The following SSRP1 variants were observed in gnomAD, a reference collection of about 807,000 sequenced individuals.
SSRP1 encodes the protein structure specific recognition protein 1.
In SSRP1, 21 loss-of-function variants were observed where a neutral mutation model predicts 84.4. That is an observed-to-expected ratio of 0.25 (90% CI 0.18 to 0.36). The LOEUF (loss-of-function observed/expected upper bound fraction) is 0.36, where lower values mean the gene tolerates loss of function less well. Among genes scored for constraint, SSRP1 ranks in the 10% least tolerant of loss-of-function variants. The pLI is 1.00. For synonymous variants in SSRP1, 319 were observed against 318.3 expected (o/e 1.00, Z -0.02); for missense variants, 519 against 900.8 (o/e 0.58, Z 5.43).
At chr11:57,333,640 A>G (rs543072141) in intron 3 of SSRP1, 100 bp from the exon 4 acceptor site, 1 of 833,380 alleles carries the variant, frequency 1.2e-6, no homozygotes, top group Non-Finnish European at 2.0e-6. Context: ...AACTGCCCCA[A>G]ATAGGCTTTA....
chr11:57,329,631 C>T (rs1411218742), intron 12 of SSRP1: 2 of 188,204 alleles, frequency 1.1e-5, no homozygotes, highest in Non-Finnish European at 2.2e-5. Flanking sequence ...GTAATATGAA[C>T]TTATGAAATT....
chr11:57,332,585 C>T lies in SSRP1; in HGVS notation c.768+40G>A, dbSNP rs773133089. ...GAGATCCATCTACTTAACACTTAGG[C>T]AAAAACCAGGATTATCCGGCCATAG... is the stretch of plus-strand genomic sequence containing the variant. On this transcript the variant is annotated intron_variant, in intron 6 of 16. Coordinates refer to ENST00000278412, the MANE Select transcript of SSRP1 (RefSeq NM_003146.3). This position sits in a 1 kb window ranked among gnomAD's most constrained non-coding sequence, Gnocchi z 5.5. 6.2e-7 allele frequency: 1 copy of T among 1,604,972 alleles called. No homozygotes were observed. The highest frequency in any genetic ancestry group is 8.5e-7 in the Non-Finnish European group (1 of 1,173,382).
intron 12 of SSRP1, chr11:57,328,704 T>C (rs1013384263): frequency 1.1e-4 from 41 of 360,664 alleles, no homozygotes; most frequent in African/African-American, 8.2e-4. Context: ...TCCCTGGGCA[T>C]GGCCAAACCA....
chr11:57,326,905 G>A lies in SSRP1; in HGVS notation c.1872-16C>T. 6.4e-7 allele frequency: 1 copy of A among 1,574,634 alleles called. No individual in the cohort carries two copies. The highest frequency in any genetic ancestry group is 8.6e-7 in the Non-Finnish European group (1 of 1,159,046). On this transcript the variant is annotated splice_polypyrimidine_tract_variant and intron_variant, in intron 15 of 16. Transcript: ENST00000278412. ...TGACTTGTCCCTGTATTGGCAAGAGGGAAGAGGAGCTGGGCCTTCAGGTCC... is the reference window on the plus strand; with the variant it reads ...TGACTTGTCCCTGTATTGGCAAGAGAGAAGAGGAGCTGGGCCTTCAGGTCC...
chr11:57,332,047 T>C lies in SSRP1; in HGVS notation c.1001+105A>G, dbSNP rs901391121. The C allele has an allele frequency of 5.7e-6, 9 of 1,574,742 alleles. No homozygotes were observed. In the Admixed American group the frequency reaches 1.6e-4, roughly 27 times the overall value. ...GCACCTATTGTGACACAAGGTCCCATCCAGGCCTCTAGGAGGCCGCATTCC... is the reference window on the plus strand; with the variant it reads ...GCACCTATTGTGACACAAGGTCCCACCCAGGCCTCTAGGAGGCCGCATTCC... On this transcript the variant is annotated intron_variant, in intron 8 of 16. Transcript: ENST00000278412. This position sits in a 1 kb window ranked among gnomAD's most constrained non-coding sequence, Gnocchi z 5.5.
chr11:57,330,801 T>A lies in SSRP1; in HGVS notation c.1296+54A>T, dbSNP rs1856073667. The stretch of plus-strand genomic sequence containing the variant: ...GAAGCCGGAAAAAATCTCCACCCCT[T>A]TCTCCCCTATAGAAAGACCAGGAGA... On this transcript the variant is annotated intron_variant, in intron 10 of 16. Transcript: ENST00000278412. The surrounding 1 kb of genome is among the most constrained non-coding windows in gnomAD (Gnocchi z 4.0). 6.2e-7 allele frequency: 1 copy of A among 1,613,376 alleles called. No homozygotes were observed. The highest frequency in any genetic ancestry group is 2.2e-5 in the East Asian group (1 of 44,860).
At position 57,330,481 on chromosome 11, in the gene SSRP1, C is replaced by T; in HGVS notation, c.1297-52G>A. 6.2e-7 allele frequency: 1 copy of T among 1,605,390 alleles called. No individual in the cohort carries two copies. Among genetic ancestry groups the T allele is most frequent in the East Asian group, 2.2e-5 (1 of 44,824 alleles). On this transcript the variant is annotated intron_variant, in intron 10 of 16. Transcript: ENST00000278412. The surrounding 1 kb of genome is among the most constrained non-coding windows in gnomAD (Gnocchi z 4.0). ...GCCAACTCACCCTCGAGCCAGAATCCCTGCACACTCAAAAGCACACCCCCA... is the reference window on the plus strand; with the variant it reads ...GCCAACTCACCCTCGAGCCAGAATCTCTGCACACTCAAAAGCACACCCCCA...
Position 57,330,147 on chromosome 11 carries a change from G to C in SSRP1, c.1436-9C>G. 1.2e-6 allele frequency: 2 copies of C among 1,614,130 alleles called. No individual in the cohort carries two copies. The highest frequency in any genetic ancestry group is 8.5e-7 in the Non-Finnish European group (1 of 1,180,024). ...TGGGTTGAATGACTCATCTGAAAAA[G>C]GGCACAGGATGCATCAGCTTCTGCC... is the stretch of plus-strand genomic sequence containing the variant. On this transcript the variant is annotated splice_polypyrimidine_tract_variant and intron_variant, in intron 11 of 16. Transcript: ENST00000278412. The surrounding 1 kb of genome is among the most constrained non-coding windows in gnomAD (Gnocchi z 4.0).
chr11:57,333,641 A>C (rs1856143245), intron 3 of SSRP1, 101 bp from the exon 4 acceptor site: 2 of 815,522 alleles, frequency 2.5e-6, no homozygotes, highest in Admixed American at 2.2e-5. Context: ...ACTGCCCCAA[A>C]TAGGCTTTAT....
chr11:57,334,710 C>G, intron 2 of SSRP1, 62 bp from the exon 3 acceptor site: 1 of 1,568,172 alleles, frequency 6.4e-7, no homozygotes, highest in Non-Finnish European at 8.7e-7. Context: ...GGTTCTACAG[C>G]TCTACCTAAC....
In SSRP1 at chr11:57,331,866, G is replaced by A. The variant is rs975587252; in HGVS notation, c.1025C>T (p.Thr342Ile). The change falls in exon 9 of 17, where the codon ACC becomes ATC. Residue 342 changes from threonine (T) to isoleucine (I), a missense_variant. Thr to Ile is a moderately conservative substitution (Grantham distance 89, BLOSUM62 -1). This residue lies in a region of SSRP1 where 159 missense variants were observed against 359.0 expected (regional missense o/e 0.44). Coordinates refer to ENST00000278412, the MANE Select transcript of SSRP1 (RefSeq NM_003146.3). ...TCCTGAGCTTGCCTTGTAGGAACAG[G>A]TAATGCACTGGGCCCCTGAGTGCCT... ...FQGHSGAQCI[T>I]CSYKASSGLL... is the part of the protein sequence containing the mutation. The A allele has an allele frequency of 5.0e-6, 8 of 1,613,156 alleles. No individual in the cohort carries two copies. Among genetic ancestry groups the A allele is most frequent in the East Asian group, 2.2e-5 (1 of 44,880 alleles).
At chr11:57,328,666 AAAAC>A in intron 12 of SSRP1, 1 of 475,408 alleles carries the variant, frequency 2.1e-6, no homozygotes, top group Non-Finnish European at 3.6e-6. Context: ...TAATGAATGA[AAAAC>A]AAATCAATGA....
intron 8 of SSRP1, 103 bp from the exon 9 acceptor site, chr11:57,331,992 C>A (rs1856101931): frequency 1.3e-6 from 2 of 1,493,768 alleles, no homozygotes; most frequent in African/African-American, 1.4e-5. Context: ...ACTAAGTAAA[C>A]CTCACTGAGC....
chr11:57,326,645 C>T (rs186643249), intron 16 of SSRP1, 58 bp downstream of exon 16: 16 of 1,593,570 alleles, frequency 1.0e-5, no homozygotes, highest in Non-Finnish European at 1.3e-5. Flanking sequence ...ACCAACCCCA[C>T]ACAGACACAC....
rs765475873 is a variant in SSRP1 at position 57,333,481 on chromosome 11, C to T, written c.300G>A (p.Lys100=). Residue 100 remains lysine, a synonymous_variant, in exon 4 of 17, where the codon AAG becomes AAA. Coordinates refer to ENST00000278412, the MANE Select transcript of SSRP1 (RefSeq NM_003146.3). Reference sequence around the variant, plus strand: ...AGTTCCAGCCCTTCACACAAAGGTCCTTCTCCATTAGCTCAAGGCGATAGT... The same window carrying T: ...AGTTCCAGCCCTTCACACAAAGGTCTTTCTCCATTAGCTCAAGGCGATAGT... ...KTHYRLELME[K]DLCVKGWNWG... The T allele has an allele frequency of 1.9e-6, 3 of 1,614,086 alleles. No homozygotes were observed. The Admixed American group carries it at 5.0e-5, about 27-fold the overall frequency.
chr11:57,327,957 A>G (rs1235959268), intron 13 of SSRP1, 75 bp from the exon 14 acceptor site: 8 of 1,545,800 alleles, frequency 5.2e-6, no homozygotes, highest in Non-Finnish European at 5.3e-6. Flanking sequence ...TATTTAGATC[A>G]CTTAACTTGG....
Position 57,335,678 on chromosome 11 carries a change from G to T in SSRP1, c.-120+52C>A. 1 of 153,836 alleles carries T rather than the reference G, an allele frequency of 6.5e-6. No individual in the cohort carries two copies. The highest frequency in any genetic ancestry group is 1.5e-5 in the Non-Finnish European group (1 of 68,900). 9.5% of individuals were successfully genotyped at this position (153,836 alleles called of 1,614,324 possible). A position where few individuals can be genotyped will look rare whatever the true frequency, so the allele number is the denominator to read the frequency against. On this transcript the variant is annotated intron_variant, in intron 1 of 16. Transcript: ENST00000278412. This position sits in a 1 kb window ranked among gnomAD's most constrained non-coding sequence, Gnocchi z 4.6. ...CGGAATGGTCCATGTCGAGGGTCCC[G>T]TGGGGGAGCGGGGCCCCTGCCTTCC...
At chr11:57,333,347 T>C (rs912563600) in intron 4 of SSRP1, 88 bp downstream of exon 4, 74 of 1,252,680 alleles carry the variant, frequency 5.9e-5, no homozygotes, top group Non-Finnish European at 7.4e-5. Context: ...CCAGAGACAG[T>C]GGCAGAGGGA....
At chr11:57,327,658 C>T in intron 14 of SSRP1, 54 bp downstream of exon 14, 1 of 1,607,828 alleles carries the variant, frequency 6.2e-7, no homozygotes, top group Non-Finnish European at 8.5e-7. Flanking sequence ...CACCCCAAGA[C>T]AGCACCTCTC....
Sources: gnomAD v4.1 joint callset for allele counts on GRCh38, gnomAD v4.1.1 for gene constraint, gnomAD v4.1.1 regional missense constraint, Gnocchi (gnomAD v3.1) non-coding constraint, MANE v1.5 for transcripts, NCBI Gene and HGNC (gene_info 2026-07-23, HGNC 2026-07-21) for gene names.